Variants in SIPA1L1 observed in about 807,000 individuals in gnomAD.
SIPA1L1 encodes the protein signal-induced proliferation-associated 1-like protein 1.
Under a neutral mutation model 162.7 loss-of-function variants are expected in SIPA1L1, and 26 were observed. That is an observed-to-expected ratio of 0.16 (90% CI 0.12 to 0.22). The LOEUF (loss-of-function observed/expected upper bound fraction) is 0.22. Ranked by LOEUF, SIPA1L1 falls within the 10% of genes least tolerant of loss-of-function variation. The probability of loss-of-function intolerance (pLI) is 1.00; values close to 1 mark genes in which losing one functional copy is unlikely to be tolerated. For missense variants in SIPA1L1, 1,874 were observed against 2,241.0 expected (o/e 0.84, Z 3.31); for synonymous variants, 829 against 837.4 (o/e 0.99, Z 0.17).
intron 7 of SIPA1L1, among the ~76,000 whole-genome samples, chr14:71,625,197 T>C (rs1377963921): frequency 6.6e-6 from 1 of 152,158 alleles, no homozygotes. Flanking sequence ...TTTATTAAAA[T>C]GAATGAGAGT....
At position 71,738,943 on chromosome 14, in the gene SIPA1L1, A is replaced by G. The variant is rs566759820; in HGVS notation, c.5209-75A>G. 4 of 1,506,822 alleles carry G rather than the reference A, an allele frequency of 2.7e-6. No individual in the cohort carries two copies. The East Asian group carries it at 6.8e-5, about 26-fold the overall frequency. 93.3% of individuals were successfully genotyped at this position (1,506,822 alleles called of 1,614,324 possible). A position where few individuals can be genotyped will look rare whatever the true frequency, so the allele number is the denominator to read the frequency against. ...ATGGACAAAAGATCAAAACGGGTCC[A>G]TAGCTATTACTCAGAAGAGCTGGGC... On this transcript the variant is annotated intron_variant, in intron 23 of 23. Coordinates refer to ENST00000381232, the MANE Select transcript of SIPA1L1 (RefSeq NM_001386936.1).
At chr14:71,449,752 T>C (rs896539955) in intron 2 of SIPA1L1, among the ~76,000 whole-genome samples, 4 of 152,228 alleles carry the variant, frequency 2.6e-5, no homozygotes, top group Admixed American at 6.5e-5. Context: ...GCATGATTTA[T>C]TAATGTTATT....
At chr14:71,640,678 G>C (rs2041621189) in intron 7 of SIPA1L1, among the ~76,000 whole-genome samples, 1 of 152,176 alleles carries the variant, frequency 6.6e-6, no homozygotes, top group Admixed American at 6.5e-5. Context: ...AGGCTGGAGT[G>C]CAGTGGTGCA....
chr14:71,362,126 C>A (rs1310757243), intron 2 of SIPA1L1, among the ~76,000 whole-genome samples: 1 of 152,154 alleles, frequency 6.6e-6, no homozygotes, highest in Non-Finnish European at 1.5e-5. Flanking sequence ...CTGCTGTGTT[C>A]AAGGAGCCGG....
At chr14:71,685,665 C>G (rs1393915492) in intron 13 of SIPA1L1, 34 bp downstream of exon 13, 3 of 1,609,226 alleles carry the variant, frequency 1.9e-6, no homozygotes, top group Non-Finnish European at 2.5e-6. Flanking sequence ...CTCTATCTCT[C>G]TCTGCCCCAA....
chr14:71,435,778 T>C (rs1162226080), intron 2 of SIPA1L1, among the ~76,000 whole-genome samples: 1 of 152,204 alleles, frequency 6.6e-6, no homozygotes, highest in Non-Finnish European at 1.5e-5. Context: ...TTGAACTAGT[T>C]TACAGTCCCA....
chr14:71,413,867 T>G (rs1450765160), intron 2 of SIPA1L1: 1 of 152,256 alleles, frequency 6.6e-6, no homozygotes, highest in East Asian at 1.9e-4. Context: ...TTTTCCCCTT[T>G]TACTTACTAT....
At chr14:71,712,264 A>T (rs1437479960) in intron 17 of SIPA1L1, among the ~76,000 whole-genome samples, 1 of 152,124 alleles carries the variant, frequency 6.6e-6, no homozygotes, top group African/African-American at 2.4e-5. Context: ...CTTGATGATC[A>T]TGCAGATCTT....
chr14:71,430,624 G>A (rs1595424617), intron 2 of SIPA1L1, among the ~76,000 whole-genome samples: 1 of 152,328 alleles, frequency 6.6e-6, no homozygotes, highest in East Asian at 1.9e-4. Context: ...TCCTATAACA[G>A]ATGAGAAAAC....
intron 17 of SIPA1L1, 131 bp from the exon 18 acceptor site, chr14:71,723,516 G>A: frequency 1.0e-6 from 1 of 962,084 alleles, no homozygotes; most frequent in Non-Finnish European, 1.5e-6. Context: ...AGGCCAGCCA[G>A]GCATCGCTGT....
At chr14:71,387,248 CAAAAAAAAAAAAA>C (rs398025583) in intron 2 of SIPA1L1, among the ~76,000 whole-genome samples, 2 of 53,882 alleles carry the variant, frequency 3.7e-5, no homozygotes, top group Non-Finnish European at 6.0e-5. Flanking sequence ...AACTCTGTCT[CAAAAAAAAAAAAA>C]AAAAAAAAAA....
intron 5 of SIPA1L1, among the ~76,000 whole-genome samples, chr14:71,602,174 T>C (rs1343696306): frequency 2.0e-5 from 3 of 152,168 alleles, no homozygotes; most frequent in African/African-American, 7.2e-5. Context: ...TTTGAAATCT[T>C]TATTTTTGAT....
chr14:71,700,981 C>A (rs1206031115), intron 14 of SIPA1L1, among the ~76,000 whole-genome samples: 3 of 89,094 alleles, frequency 3.4e-5, no homozygotes, highest in Admixed American at 3.7e-4. Flanking sequence ...GGGGACAGAG[C>A]AAGACTCCGT....
intron 2 of SIPA1L1, among the ~76,000 whole-genome samples, chr14:71,420,761 T>G (rs548995666): frequency 6.6e-6 from 1 of 152,278 alleles, no homozygotes; most frequent in Non-Finnish European, 1.5e-5. Context: ...GTTTCAGATA[T>G]TATACTATTT....
At position 71,707,051 on chromosome 14, in the gene SIPA1L1, G is replaced by C. The variant is rs927843942; in HGVS notation, c.3765+1711G>C. Among the ~76,000 whole-genome samples, 5 of 133,852 alleles carry C rather than the reference G, an allele frequency of 3.7e-5. No individual in the cohort carries two copies. The South Asian group carries it at 1.2e-3, about 32-fold the overall frequency. 87.8% of individuals were successfully genotyped at this position (133,852 alleles called of 152,430 possible). On this transcript the variant is annotated intron_variant, in intron 16 of 23. Transcript: ENST00000381232. ...CTCCGTCAAAAAAAAAAAAAAAAAA[G>C]AAACTGGCATGTCCTACTCCTGCCC...
intron 5 of SIPA1L1, among the ~76,000 whole-genome samples, chr14:71,609,225 A>G (rs1299204811): frequency 2.0e-5 from 3 of 152,052 alleles, no homozygotes; most frequent in Non-Finnish European, 4.4e-5. Flanking sequence ...ATTGATCCCA[A>G]TAACAGTTTA....
chr14:71,521,931 G>C (rs781049501), intron 3 of SIPA1L1, among the ~76,000 whole-genome samples: 36 of 152,016 alleles, frequency 2.4e-4, no homozygotes, highest in Non-Finnish European at 4.4e-4. Flanking sequence ...CCTTTATTTG[G>C]TTGTCATCTT....
At chr14:71,535,577 C>A (rs2053821490) in intron 4 of SIPA1L1, among the ~76,000 whole-genome samples, 1 of 151,814 alleles carries the variant, frequency 6.6e-6, no homozygotes, top group Non-Finnish European at 1.5e-5. Context: ...CAAGGGATAA[C>A]TGAATGTCAG....
At chr14:71,401,266 T>C (rs562606712) in intron 2 of SIPA1L1, among the ~76,000 whole-genome samples, 2 of 152,324 alleles carry the variant, frequency 1.3e-5, no homozygotes, top group Non-Finnish European at 2.9e-5. Flanking sequence ...AAGGGTGTTC[T>C]TCTCAAGTTA....
Sources: allele counts gnomAD v4.1 joint callset (sites outside exome capture counted in the v4.1 genomes callset), GRCh38; gene constraint gnomAD v4.1.1; transcripts MANE v1.5; gene names NCBI Gene and HGNC (gene_info 2026-07-23, HGNC 2026-07-21).